Variants in SASH1 observed in about 807,000 individuals in gnomAD.
SASH1 encodes the protein SAM and SH3 domain containing 1, also known as SAM and SH3 domain-containing protein 1.
A neutral mutation model predicts 125.2 loss-of-function variants in SASH1; 44 were observed. The ratio of observed to expected loss-of-function variants is 0.35; its 90% confidence interval spans 0.28 to 0.45. The LOEUF (loss-of-function observed/expected upper bound fraction) is 0.45. Ranked by LOEUF, SASH1 falls within the 20% of genes least tolerant of loss-of-function variation. SASH1 has a pLI of 1.00. For missense variants in SASH1, 1,426 were observed against 1,614.5 expected (o/e 0.88, Z 2.00); for synonymous variants, 639 against 649.1 (o/e 0.98, Z 0.24).
chr6:148,541,770 C>A (rs1782234422), intron 17 of SASH1, among the ~76,000 whole-genome samples: 1 of 152,146 alleles, frequency 6.6e-6, no homozygotes, highest in Non-Finnish European at 1.5e-5. Context: ...TTGTTTGCCT[C>A]ACTCTAATTC....
intron 2 of SASH1, among the ~76,000 whole-genome samples, chr6:148,419,194 T>C (rs1041358585): frequency 3.9e-5 from 6 of 152,056 alleles, no homozygotes; most frequent in Non-Finnish European, 8.8e-5. Context: ...TCAAAGAGAG[T>C]CTTCATAGCA....
At position 148,542,879 on chromosome 6, in the gene SASH1, T is replaced by TGC. The variant is rs1554273831; in HGVS notation, c.2210-794_2210-793dup. Among the ~76,000 whole-genome samples the TGC allele has an allele frequency of 5.8e-3, 812 of 138,896 alleles. 11 individuals are homozygous for TGC. Among genetic ancestry groups the TGC allele is most frequent in the African/African-American group, 0.019 (721 of 37,378 alleles). The allele number at this position is 138,896 out of a possible 152,430, so 91.1% of individuals were successfully genotyped here. A position where few individuals can be genotyped will look rare whatever the true frequency, so the allele number is the denominator to read the frequency against. On this transcript the variant is annotated intron_variant, in intron 17 of 19. Coordinates refer to ENST00000367467, the MANE Select transcript of SASH1 (RefSeq NM_015278.5). ...GTGTGTGTGTGTGTGTGTGTGTGTG[T>TGC]GCGCGCGCACATGTAAGTACTGATG...
At chr6:148,345,392 A>C (rs867829162) in intron 1 of SASH1, among the ~76,000 whole-genome samples, 1 of 152,222 alleles carries the variant, frequency 6.6e-6, no homozygotes, top group African/African-American at 2.4e-5. Context: ...ATGCAGGAGC[A>C]AAGAAAATAT....
chr6:148,540,566 G>T lies in SASH1; in HGVS notation c.2209+10G>T, dbSNP rs1482713212. ...GAGAACCTGGAAAACGGTAATGTCA[G>T]CATGAGTCGCTGGGAACCTGCTTTG... On this transcript the variant is annotated intron_variant, in intron 17 of 19. Coordinates refer to ENST00000367467, the MANE Select transcript of SASH1 (RefSeq NM_015278.5). 1 of 1,600,276 alleles carries T rather than the reference G, an allele frequency of 6.2e-7. No homozygotes were observed. Among genetic ancestry groups the T allele is most frequent in the Non-Finnish European group, 8.6e-7 (1 of 1,168,430 alleles).
rs144855853 is a variant in SASH1 at position 148,420,748 on chromosome 6, A to G, written c.286-19436A>G. 2.0e-5 allele frequency among the ~76,000 whole-genome samples: 3 copies of G among 152,098 alleles called. No homozygotes were observed. The East Asian group carries it at 5.8e-4, about 29-fold the overall frequency. ...GAGTATACCATAATTTGTGTCCCCC[A>G]GTTTGAACTATTTAGGCAATTTCCA... On this transcript the variant is annotated intron_variant, in intron 2 of 19. Transcript: ENST00000367467.
chr6:148,509,962 G>T (rs1309954586), intron 8 of SASH1, among the ~76,000 whole-genome samples: 1 of 152,224 alleles, frequency 6.6e-6, no homozygotes, highest in Non-Finnish European at 1.5e-5. Flanking sequence ...TCCTCCGGGT[G>T]CCAGACGGGC....
At chr6:148,410,724 A>C (rs1247218002) in intron 2 of SASH1, among the ~76,000 whole-genome samples, 1 of 152,210 alleles carries the variant, frequency 6.6e-6, no homozygotes, top group Non-Finnish European at 1.5e-5. Context: ...ATAAGGAAAT[A>C]AACAACCATG....
chr6:148,379,976 A>G (rs1291987478), intron 1 of SASH1: 3 of 456,334 alleles, frequency 6.6e-6, no homozygotes, highest in Admixed American at 2.4e-5. Flanking sequence ...GAGATGCGGA[A>G]CGTAGGTGCC....
chr6:148,349,479 GTCTTGAACTCC>G (rs1781644417), intron 1 of SASH1, among the ~76,000 whole-genome samples: 1 of 151,952 alleles, frequency 6.6e-6, no homozygotes, highest in Non-Finnish European at 1.5e-5. Flanking sequence ...GTCCAGGCTG[GTCTTGAACTCC>G]TGACCTAAGG....
intron 16 of SASH1, among the ~76,000 whole-genome samples, 194 bp downstream of exon 16, chr6:148,535,095 G>A (rs888685004): frequency 1.2e-4 from 18 of 152,192 alleles, no homozygotes; most frequent in African/African-American, 2.7e-4. Context: ...CCCCACCTAC[G>A]CTGCCAGTAT....
At chr6:148,451,303 TCAGTGTCTCCCCAGACTGA>T (rs1336717667) in intron 4 of SASH1, among the ~76,000 whole-genome samples, 2 of 152,222 alleles carry the variant, frequency 1.3e-5, no homozygotes, top group Non-Finnish European at 2.9e-5. Context: ...CCAACATGTG[TCAGTGTCTCCCCAGACTGA>T]CGGTGTGAAT....
intron 8 of SASH1, among the ~76,000 whole-genome samples, chr6:148,488,922 A>T (rs6926477): frequency 0.41 from 62,695 of 151,916 alleles, 13,261 homozygotes; most frequent in Middle Eastern, 0.46. Flanking sequence ...ACTCTGTGGG[A>T]TGCCTTTTAC....
At chr6:148,333,164 A>G (rs1345495221) in intron 1 of SASH1, among the ~76,000 whole-genome samples, 1 of 152,012 alleles carries the variant, frequency 6.6e-6, no homozygotes, top group African/African-American at 2.4e-5. Context: ...GGAACTTGTT[A>G]AAAAACAGAT....
chr6:148,437,623 G>A (rs1470366564), intron 2 of SASH1, among the ~76,000 whole-genome samples: 1 of 152,234 alleles, frequency 6.6e-6, no homozygotes, highest in Non-Finnish European at 1.5e-5. Context: ...GCTGAGGAAT[G>A]GCTTGAGCTC....
rs144351266 is a variant in SASH1, at chr6:148,544,949, G to A, written c.3348+131G>A. The A allele has an allele frequency of 1.8e-4, 135 of 761,872 alleles. 1 individual carries two copies. In the African/African-American group the frequency reaches 1.9e-3, roughly 11 times the overall value. The allele number at this position is 761,872 out of a possible 1,614,324, so 47.2% of individuals were successfully genotyped here. On this transcript the variant is annotated intron_variant, in intron 18 of 19. Transcript: ENST00000367467. This position sits in a 1 kb window ranked among gnomAD's most constrained non-coding sequence, Gnocchi z 6.4. ...GTGGACAGGAGACACCTGAATCCAC[G>A]TGTCCACACCTTACTTGACATGCAT...
At chr6:148,516,651 A>G (rs9498055) in intron 9 of SASH1, among the ~76,000 whole-genome samples, 22,254 of 151,958 alleles carry the variant, frequency 0.15, 2,050 homozygotes, top group African/African-American at 0.25. Flanking sequence ...TAGATTTTAT[A>G]TTCTCTTTAA....
chr6:148,230,854 GTTAT>G, the SASH1 span, among the ~76,000 whole-genome samples: 8 of 152,094 alleles, frequency 5.3e-5, no homozygotes, highest in Admixed American at 3.3e-4. Context: ...ATTTTTAAGA[GTTAT>G]TTATTTATTC....
At chr6:148,404,705 C>T (rs1386933530) in intron 2 of SASH1, among the ~76,000 whole-genome samples, 1 of 117,108 alleles carries the variant, frequency 8.5e-6, no homozygotes, top group East Asian at 2.6e-4. Flanking sequence ...CCACCTGCCC[C>T]CCAAGCCCAG....
intron 8 of SASH1, among the ~76,000 whole-genome samples, chr6:148,494,640 C>G (rs188967795): frequency 1.2e-3 from 188 of 152,100 alleles, no homozygotes; most frequent in African/African-American, 4.3e-3. Context: ...AAACAAAAAA[C>G]AAAAACAAAA....
Sources: allele counts gnomAD v4.1 joint callset (sites outside exome capture counted in the v4.1 genomes callset), GRCh38; gene constraint gnomAD v4.1.1; non-coding constraint Gnocchi (gnomAD v3.1); transcripts MANE v1.5; gene names NCBI Gene and HGNC (gene_info 2026-07-23, HGNC 2026-07-21).